Variants in RTTN observed in about 807,000 individuals in gnomAD.
RTTN encodes rotatin.
RTTN carries 182 observed loss-of-function variants against 269.2 expected under a neutral mutation model. The ratio of observed to expected loss-of-function variants is 0.68; its 90% confidence interval spans 0.60 to 0.76. The LOEUF is 0.76. RTTN is among the 30% of genes least tolerant of loss of function. The probability of loss-of-function intolerance (pLI) is 0.00; values close to 1 mark genes in which losing one functional copy is unlikely to be tolerated. For missense variants in RTTN, 2,545 were observed against 2,608.6 expected, an observed-to-expected ratio of 0.98 and a Z score of 0.53; for synonymous variants, 1,006 against 963.5, an observed-to-expected ratio of 1.04 and a Z score of -0.82.
intron 10 of RTTN, among the ~76,000 whole-genome samples, chr18:70,177,600 C>T (rs2061333329): frequency 6.6e-6 from 1 of 151,608 alleles, no homozygotes; most frequent in African/African-American, 2.4e-5. Flanking sequence ...GGTAAAAGGA[C>T]ACCCTCAGTA....
intron 7 of RTTN, chr18:70,194,218 T>C (rs896876490): frequency 6.6e-5 from 10 of 152,166 alleles, no homozygotes; most frequent in Non-Finnish European, 1.5e-4. Context: ...ATTAGGTCTT[T>C]AGAGAAATGC....
intron 21 of RTTN, among the ~76,000 whole-genome samples, chr18:70,139,397 G>C (rs909307476): frequency 2.0e-5 from 3 of 152,140 alleles, no homozygotes; most frequent in Non-Finnish European, 4.4e-5. Context: ...GCTTTTCTCA[G>C]CTCTAGCCTC....
chr18:70,177,399 G>C (rs1478201465), intron 10 of RTTN, among the ~76,000 whole-genome samples: 3 of 152,020 alleles, frequency 2.0e-5, no homozygotes, highest in African/African-American at 4.8e-5. Flanking sequence ...AGATAATAAG[G>C]TTTCAAGTGG....
Position 70,201,976 on chromosome 18 carries a change from T to C in RTTN, c.405A>G (p.Ser135=). ...ASYQTNQTEL[S]KNPEILTGYF... Reference sequence around the variant, plus strand: ...ATCCTGTTAAGATTTCAGGGTTTTTTGACAATTCTGAAAAGGAAATAAACA... The same window carrying C: ...ATCCTGTTAAGATTTCAGGGTTTTTCGACAATTCTGAAAAGGAAATAAACA... Residue 135 remains serine, a synonymous_variant, in exon 4 of 49, where the codon TCA becomes TCG. Transcript: ENST00000640769. 6.3e-7 allele frequency: 1 copy of C among 1,585,386 alleles called. No individual in the cohort carries two copies. The highest frequency in any genetic ancestry group is 8.7e-7 in the Non-Finnish European group (1 of 1,154,894).
intron 14 of RTTN, among the ~76,000 whole-genome samples, chr18:70,157,518 GA>G (rs969036623): frequency 6.6e-6 from 1 of 152,134 alleles, no homozygotes; most frequent in Admixed American, 6.5e-5. Flanking sequence ...ACACAGGTAA[GA>G]AAAAAACAGT....
At chr18:70,015,721 A>G (rs1366411993) in intron 46 of RTTN, among the ~76,000 whole-genome samples, 3 of 152,204 alleles carry the variant, frequency 2.0e-5, no homozygotes, top group Non-Finnish European at 4.4e-5. Flanking sequence ...AATGCTAAAA[A>G]TAATTCTAGA....
At chr18:70,010,445 A>C (rs1398269870) in intron 46 of RTTN, among the ~76,000 whole-genome samples, 6 of 152,326 alleles carry the variant, frequency 3.9e-5, no homozygotes, top group Non-Finnish European at 5.9e-5. Flanking sequence ...ACTCAAAACC[A>C]CACAACTACA....
intron 40 of RTTN, among the ~76,000 whole-genome samples, chr18:70,042,384 TTTTTTTTTTG>T (rs1192589616): frequency 2.9e-5 from 4 of 139,056 alleles, no homozygotes; most frequent in African/African-American, 8.4e-5. Flanking sequence ...TTTTTTTTTT[TTTTTTTTTTG>T]AGACGGAGTC....
intron 7 of RTTN, chr18:70,194,515 T>C (rs1191770679): frequency 6.6e-6 from 1 of 152,266 alleles, no homozygotes; most frequent in Non-Finnish European, 1.5e-5. Context: ...CAATGTTCAC[T>C]GAAGCATTAT....
Position 70,125,251 on chromosome 18 carries a change from G to A in RTTN, c.3383+2251C>T, listed in dbSNP as rs76866357. Among the ~76,000 whole-genome samples the A allele has an allele frequency of 7.0e-3, 1,059 of 151,932 alleles. 15 individuals are homozygous for A. The highest frequency in any genetic ancestry group is 0.011 in the Non-Finnish European group (743 of 67,870). ...CATGGTTTAGGGTGGTGTTCATTTC[G>A]GTATACATGTAAAAATCATTTTTAC... On this transcript the variant is annotated intron_variant, in intron 25 of 48. Coordinates refer to ENST00000640769, the MANE Select transcript of RTTN (RefSeq NM_173630.4).
At position 70,205,139 on chromosome 18, in the gene RTTN, T is replaced by G. The variant is rs759058292; in HGVS notation, c.208A>C (p.Arg70=). 1.2e-6 allele frequency: 2 copies of G among 1,614,178 alleles called. No individual in the cohort carries two copies. Among genetic ancestry groups the G allele is most frequent in the Admixed American group, 1.7e-5 (1 of 60,022 alleles). ...MKEEVLNLLS[R]LVKYPPAVQH... Reference sequence around the variant, plus strand: ...CAAAATGACCCTACCTTAACCAATCTGCTTAACAGGTTCAGAACCTCTTCC... The same window carrying G: ...CAAAATGACCCTACCTTAACCAATCGGCTTAACAGGTTCAGAACCTCTTCC... Residue 70 remains arginine, a synonymous_variant, in exon 2 of 49, where the codon AGA becomes CGA. Coordinates refer to ENST00000640769, the MANE Select transcript of RTTN (RefSeq NM_173630.4).
intron 10 of RTTN, among the ~76,000 whole-genome samples, chr18:70,181,053 A>G (rs995283701): frequency 6.6e-6 from 1 of 152,216 alleles, no homozygotes; most frequent in Admixed American, 6.5e-5. Context: ...TCAATTCACA[A>G]TCTGGTCCAA....
intron 40 of RTTN, among the ~76,000 whole-genome samples, chr18:70,046,124 G>A (rs1447884493): frequency 6.6e-6 from 1 of 151,792 alleles, no homozygotes; most frequent in African/African-American, 2.4e-5. Flanking sequence ...TATGCATCAT[G>A]AGTCTCATCA....
chr18:70,152,725 G>A (rs530346338), intron 14 of RTTN, among the ~76,000 whole-genome samples: 1 of 151,996 alleles, frequency 6.6e-6, no homozygotes, highest in Non-Finnish European at 1.5e-5. Flanking sequence ...CTCCACGTCC[G>A]TAATACCTCC....
chr18:70,114,140 G>C (rs1045201404), intron 27 of RTTN, among the ~76,000 whole-genome samples: 4 of 152,062 alleles, frequency 2.6e-5, no homozygotes, highest in African/African-American at 9.7e-5. Context: ...CATAGGCATA[G>C]GTATGACTGC....
chr18:70,113,287 AG>A (rs2059521549), intron 27 of RTTN, among the ~76,000 whole-genome samples: 1 of 152,246 alleles, frequency 6.6e-6, no homozygotes, highest in South Asian at 2.1e-4. Flanking sequence ...AATAGCCATA[AG>A]AACATGAGAA....
intron 43 of RTTN, among the ~76,000 whole-genome samples, chr18:70,027,705 T>A (rs1239751733): frequency 1.3e-5 from 2 of 152,240 alleles, no homozygotes; most frequent in Non-Finnish European, 2.9e-5. Flanking sequence ...AAGGAATCAT[T>A]AAGTTTATTA....
chr18:70,039,594 T>G (rs902938969), intron 40 of RTTN, among the ~76,000 whole-genome samples: 4 of 152,196 alleles, frequency 2.6e-5, no homozygotes, highest in Non-Finnish European at 2.9e-5. Context: ...AGGATGTTCG[T>G]GAGCAAGAAG....
chr18:70,093,145 C>T (rs866501748), intron 28 of RTTN, among the ~76,000 whole-genome samples: 43 of 151,930 alleles, frequency 2.8e-4, no homozygotes, highest in Middle Eastern at 3.2e-3. Context: ...CTGGAGCTTG[C>T]GGTGAGCTAT....
Sources: allele counts gnomAD v4.1 joint callset (sites outside exome capture counted in the v4.1 genomes callset), GRCh38; gene constraint gnomAD v4.1.1; transcripts MANE v1.5; gene names NCBI Gene and HGNC (gene_info 2026-07-23, HGNC 2026-07-21).